SLC9D1: variants seen among roughly 807,000 people sequenced by gnomAD.
The protein encoded by SLC9D1 is solute carrier family 9 member D1, also known as putative LAG1-interacting protein.
the SLC9D1 span, among the ~76,000 whole-genome samples, chr13:113,532,474 T>A: frequency 6.6e-6 from 1 of 152,036 alleles, no homozygotes; most frequent in African/African-American, 2.4e-5. Flanking sequence ...CTGGGTTCCA[T>A]CCCAGCGTCC....
At chr13:113,514,571 A>G in the SLC9D1 span, 1 of 130,418 alleles carries the variant, frequency 7.7e-6, no homozygotes, top group Non-Finnish European at 1.6e-5. Context: ...TTTGGGGTGC[A>G]GGCTGATGGG....
At chr13:113,547,500 G>A in the SLC9D1 span, 11 of 772,464 alleles carry the variant, frequency 1.4e-5, no homozygotes, top group East Asian at 2.7e-5. Flanking sequence ...TCCTCATCTC[G>A]GAGGAGGCCC....
the SLC9D1 span, chr13:113,495,966 G>C: frequency 4.6e-5 from 74 of 1,613,780 alleles, 1 homozygote; most frequent in Middle Eastern, 1.6e-3. Context: ...CAAAGATGTC[G>C]TGAACATGAA....
the SLC9D1 span, among the ~76,000 whole-genome samples, chr13:113,491,475 C>G: frequency 6.7e-6 from 1 of 149,374 alleles, no homozygotes; most frequent in Non-Finnish European, 1.5e-5. Context: ...CTTCCCTTCC[C>G]AGGGGTCCCC....
chr13:113,496,818 T>G, the SLC9D1 span, among the ~76,000 whole-genome samples: 19 of 152,206 alleles, frequency 1.2e-4, no homozygotes, highest in Admixed American at 5.2e-4. Context: ...CTGATTCATT[T>G]GTCTTGCCTG....
At chr13:113,547,233 G>A in the SLC9D1 span, 1 of 1,199,058 alleles carries the variant, frequency 8.3e-7, no homozygotes, top group Non-Finnish European at 1.2e-6. Context: ...CACTGAAGTT[G>A]TGAGAAATAG....
the SLC9D1 span, among the ~76,000 whole-genome samples, chr13:113,522,192 A>G: frequency 3.9e-5 from 6 of 152,212 alleles, no homozygotes; most frequent in African/African-American, 1.4e-4. Context: ...TGTTAGCTGT[A>G]GGTTTATTGT....
At chr13:113,531,977 G>C in the SLC9D1 span, among the ~76,000 whole-genome samples, 1 of 151,960 alleles carries the variant, frequency 6.6e-6, no homozygotes, top group Non-Finnish European at 1.5e-5. Flanking sequence ...GTTGTCCCCA[G>C]CTCTCTGCAC....
At chr13:113,507,630 T>C in the SLC9D1 span, among the ~76,000 whole-genome samples, 1 of 152,364 alleles carries the variant, frequency 6.6e-6, no homozygotes, top group South Asian at 2.1e-4. Flanking sequence ...TGCTCGCTCC[T>C]CTAGCCTGAC....
At chr13:113,495,689 C>A in the SLC9D1 span, 41 of 1,612,338 alleles carry the variant, frequency 2.5e-5, no homozygotes, top group African/African-American at 3.9e-4. Context: ...TCAAACTGCA[C>A]CGCGGGCGAG....
the SLC9D1 span, chr13:113,539,605 G>T: frequency 7.6e-7 from 1 of 1,319,028 alleles, no homozygotes. The surrounding 1 kb of genome is among the most constrained non-coding windows in gnomAD (Gnocchi z 4.8). Flanking sequence ...TAGCAAAAAT[G>T]GTTATCTTAA....
At chr13:113,547,175 C>G in the SLC9D1 span, 10 of 757,178 alleles carry the variant, frequency 1.3e-5, no homozygotes, top group Non-Finnish European at 4.5e-6. Context: ...TTCACACGTG[C>G]ACTTGGGAGG....
At chr13:113,533,240 G>GATCCCTTCATTCC in the SLC9D1 span, among the ~76,000 whole-genome samples, 9 of 149,434 alleles carry the variant, frequency 6.0e-5, no homozygotes, top group South Asian at 4.2e-4. Flanking sequence ...GGCCGTTGTT[G>GATCCCTTCATTCC]ATCCCTTCAT....
the SLC9D1 span, chr13:113,505,070 T>A: frequency 1.3e-5 from 2 of 152,178 alleles, no homozygotes; most frequent in Non-Finnish European, 2.9e-5. Context: ...TGTTCAGCAT[T>A]TTTTTATGTC....
the SLC9D1 span, chr13:113,539,658 GC>G: frequency 1.2e-6 from 1 of 821,858 alleles, no homozygotes; most frequent in Non-Finnish European, 1.9e-6. The surrounding 1 kb of genome is among the most constrained non-coding windows in gnomAD (Gnocchi z 4.8). Flanking sequence ...ATTGCTAGTA[GC>G]CAGAAACTGT....
At chr13:113,538,941 G>A in the SLC9D1 span, among the ~76,000 whole-genome samples, 1 of 152,216 alleles carries the variant, frequency 6.6e-6, no homozygotes, top group Non-Finnish European at 1.5e-5. Context: ...GCCCTCCCGG[G>A]GCTGTTGCTT....
chr13:113,541,602 C>T, the SLC9D1 span, among the ~76,000 whole-genome samples: 1 of 140,892 alleles, frequency 7.1e-6, no homozygotes, highest in African/African-American at 2.6e-5. Context: ...GCTTTATTAC[C>T]GTCCAGATGT....
At chr13:113,534,041 C>T in the SLC9D1 span, 25 of 1,577,456 alleles carry the variant, frequency 1.6e-5, no homozygotes, top group Non-Finnish European at 2.1e-5. Flanking sequence ...TTTTTCTTTC[C>T]CAGCATTGTC....
chr13:113,511,770 A>T, the SLC9D1 span: 1 of 152,360 alleles, frequency 6.6e-6, no homozygotes, highest in East Asian at 1.9e-4. Context: ...AGTGGCCCGC[A>T]CACGGGACAC....
Sources: allele counts gnomAD v4.1 joint callset (sites outside exome capture counted in the v4.1 genomes callset), GRCh38; gene constraint gnomAD v4.1.1; non-coding constraint Gnocchi (gnomAD v3.1); transcripts MANE v1.5; gene names NCBI Gene and HGNC (gene_info 2026-07-23, HGNC 2026-07-21).